Variants in ZNF423 observed in about 807,000 individuals in gnomAD.
ZNF423 encodes the protein zinc finger protein 423.
In ZNF423, 12 loss-of-function variants were observed where a neutral mutation model predicts 95.8. The ratio of observed to expected loss-of-function variants is 0.13; its 90% confidence interval spans 0.08 to 0.20. The LOEUF (loss-of-function observed/expected upper bound fraction) is 0.20, where lower values mean the gene tolerates loss of function less well. ZNF423 is among the 10% of genes least tolerant of loss of function. The pLI is 1.00. For missense variants in ZNF423, 1,316 were observed against 1,737.1 expected (o/e 0.76, Z 4.31); for synonymous variants, 749 against 711.9 (o/e 1.05, Z -0.83).
At chr16:49,682,187 T>G (rs1336215090) in intron 3 of ZNF423, among the ~76,000 whole-genome samples, 1 of 152,076 alleles carries the variant, frequency 6.6e-6, no homozygotes, top group Non-Finnish European at 1.5e-5. Flanking sequence ...GTCCTGCCTT[T>G]CTGCCTGCTC....
At chr16:49,672,614 C>A (rs1020301252) in intron 3 of ZNF423, among the ~76,000 whole-genome samples, 1 of 152,112 alleles carries the variant, frequency 6.6e-6, no homozygotes, top group African/African-American at 2.4e-5. Flanking sequence ...GTCAGGAGTT[C>A]AAGACCAGCC....
intron 7 of ZNF423, among the ~76,000 whole-genome samples, chr16:49,510,828 C>T (rs1050151576): frequency 6.6e-6 from 1 of 152,200 alleles, no homozygotes; most frequent in African/African-American, 2.4e-5. Context: ...GCTGAGGCAG[C>T]GCCGGGGAGG....
intron 4 of ZNF423, among the ~76,000 whole-genome samples, chr16:49,626,983 C>T (rs1972305335): frequency 1.2e-5 from 1 of 82,816 alleles, no homozygotes; most frequent in African/African-American, 9.7e-5. Context: ...TCCATATACC[C>T]ATCCATCCTC....
At chr16:49,658,515 C>G (rs1304780180) in intron 3 of ZNF423, among the ~76,000 whole-genome samples, 1 of 152,238 alleles carries the variant, frequency 6.6e-6, no homozygotes, top group Non-Finnish European at 1.5e-5. Flanking sequence ...TAATTGTCGT[C>G]GTGGACTTTG....
At chr16:49,555,731 G>A (rs1249773997) in intron 5 of ZNF423, among the ~76,000 whole-genome samples, 3 of 152,192 alleles carry the variant, frequency 2.0e-5, no homozygotes, top group Non-Finnish European at 4.4e-5. Flanking sequence ...TGAGTGGGCG[G>A]ATGGAAGGAT....
intron 5 of ZNF423, among the ~76,000 whole-genome samples, chr16:49,528,131 C>T (rs1044639402): frequency 1.5e-4 from 23 of 152,234 alleles, no homozygotes; most frequent in Admixed American, 1.4e-3. Flanking sequence ...CGCTCTCTGC[C>T]GAGCGGGGGC....
rs903935094 is a variant in ZNF423 at position 49,832,641 on chromosome 16, C to A, written c.40+23094G>T. On this transcript the variant is annotated intron_variant, in intron 1 of 7. Transcript: ENST00000563137. ...GGTCAGAACAGAGCACCCGAGGGGC[C>A]AGGTGAATCGCTGACTTCAAGCCTA... 8.5e-5 allele frequency among the ~76,000 whole-genome samples: 13 copies of A among 152,176 alleles called. No individual in the cohort carries two copies. In the East Asian group the frequency reaches 2.5e-3, roughly 29 times the overall value.
intron 2 of ZNF423, among the ~76,000 whole-genome samples, chr16:49,741,041 G>A (rs1011289733): frequency 3.3e-5 from 5 of 152,130 alleles, no homozygotes; most frequent in Non-Finnish European, 7.4e-5. Context: ...CTCGGATAAC[G>A]AGTGGAGAGA....
intron 3 of ZNF423, among the ~76,000 whole-genome samples, chr16:49,729,686 TTA>T (rs2033115074): frequency 7.0e-6 from 1 of 143,872 alleles, no homozygotes; most frequent in Non-Finnish European, 1.5e-5. Context: ...TATTATTATT[TTA>T]AAAATATCTG....
At chr16:49,595,187 C>T (rs1485927640) in intron 5 of ZNF423, among the ~76,000 whole-genome samples, 2 of 152,190 alleles carry the variant, frequency 1.3e-5, no homozygotes, top group African/African-American at 4.8e-5. Flanking sequence ...GTTTTCCTCC[C>T]CAATGAGGAC....
intron 1 of ZNF423, among the ~76,000 whole-genome samples, chr16:49,828,776 C>T (rs1329650556): frequency 3.9e-5 from 6 of 152,218 alleles, no homozygotes; most frequent in Admixed American, 3.3e-4. Context: ...CGCAGAAAGG[C>T]CATCATCTGT....
intron 1 of ZNF423, among the ~76,000 whole-genome samples, chr16:49,820,625 TC>T (rs927546186): frequency 6.6e-6 from 1 of 152,136 alleles, no homozygotes; most frequent in African/African-American, 2.4e-5. Context: ...GGAGTTCAAC[TC>T]TCCCCCTCCC....
At chr16:49,776,657 C>T (rs1194876632) in intron 2 of ZNF423, among the ~76,000 whole-genome samples, 3 of 152,274 alleles carry the variant, frequency 2.0e-5, no homozygotes, top group East Asian at 1.9e-4. Flanking sequence ...TTGGGGGTTG[C>T]GGGGCGGCCC....
intron 3 of ZNF423, among the ~76,000 whole-genome samples, chr16:49,674,787 C>T (rs1164682757): frequency 6.6e-6 from 1 of 152,206 alleles, no homozygotes; most frequent in Middle Eastern, 3.4e-3. Context: ...GGGGACTCTG[C>T]GGTCTGAGTG....
chr16:49,568,851 T>G (rs1970273510), intron 5 of ZNF423, among the ~76,000 whole-genome samples: 1 of 152,062 alleles, frequency 6.6e-6, no homozygotes, highest in African/African-American at 2.4e-5. Context: ...GGGGAGCTCC[T>G]TGAATGCAGG....
intron 5 of ZNF423, among the ~76,000 whole-genome samples, chr16:49,588,632 T>C (rs559750177): frequency 3.9e-5 from 6 of 152,358 alleles, no homozygotes; most frequent in Non-Finnish European, 7.3e-5. Context: ...ACTCAGACTC[T>C]AGCATTTAAT....
At chr16:49,587,407 C>A (rs1204317751) in intron 5 of ZNF423, among the ~76,000 whole-genome samples, 2 of 152,130 alleles carry the variant, frequency 1.3e-5, no homozygotes, top group East Asian at 1.9e-4. Flanking sequence ...TGGGGCTTGG[C>A]AGGTGGGAAG....
chr16:49,784,751 A>T (rs1597005670), intron 2 of ZNF423, among the ~76,000 whole-genome samples: 1 of 152,050 alleles, frequency 6.6e-6, no homozygotes, highest in South Asian at 2.1e-4. Flanking sequence ...GGAGTTCAAG[A>T]CCAGCCTGGC....
At chr16:49,541,103 G>A (rs558418354) in intron 5 of ZNF423, among the ~76,000 whole-genome samples, 14 of 152,088 alleles carry the variant, frequency 9.2e-5, no homozygotes, top group Non-Finnish European at 1.9e-4. Context: ...AGGGACTCCC[G>A]CTCTCTGCAC....
Sources: gnomAD v4.1 joint callset for allele counts (sites outside exome capture counted in the v4.1 genomes callset) on GRCh38, gnomAD v4.1.1 for gene constraint, MANE v1.5 for transcripts, NCBI Gene and HGNC (gene_info 2026-07-23, HGNC 2026-07-21) for gene names.